The following TAB2 variants were observed in gnomAD, a reference collection of about 807,000 sequenced individuals.
TAB2 encodes the protein TGF-beta activated kinase 1 (MAP3K7) binding protein 2.
Under a neutral mutation model 65.0 loss-of-function variants are expected in TAB2, and 3 were observed. That is an observed-to-expected ratio of 0.05 (90% CI 0.02 to 0.12). The LOEUF (loss-of-function observed/expected upper bound fraction) is 0.12, where lower values mean the gene tolerates loss of function less well. TAB2 is among the 10% of genes least tolerant of loss of function. The pLI, the probability that TAB2 is intolerant of heterozygous loss-of-function variation, is 1.00. For missense variants in TAB2, 623 were observed against 840.3 expected, an observed-to-expected ratio of 0.74 and a Z score of 3.20; for synonymous variants, 298 against 285.1, an observed-to-expected ratio of 1.05 and a Z score of -0.46.
intron 1 of TAB2, among the ~76,000 whole-genome samples, chr6:149,263,812 A>G (rs1778204046): frequency 6.6e-6 from 1 of 152,206 alleles, no homozygotes; most frequent in African/African-American, 2.4e-5. Flanking sequence ...GAGGTCTCCC[A>G]AGCATTCCGT....
At chr6:149,234,881 A>AAAC (rs553505517) in intron 1 of TAB2, among the ~76,000 whole-genome samples, 12 of 147,856 alleles carry the variant, frequency 8.1e-5, no homozygotes, top group African/African-American at 2.3e-4. Flanking sequence ...AAAAAAAAAA[A>AAAC]CACACTCTTT....
rs747821687 is a variant in TAB2, at chr6:149,408,021, G to A, written c.1940-1556G>A. 5.9e-5 allele frequency among the ~76,000 whole-genome samples: 9 copies of A among 152,220 alleles called. No individual in the cohort carries two copies. The South Asian group carries it at 6.2e-4, about 11-fold the overall frequency. ...GAATCAACAAGGTTTTACTAAAAAC[G>A]TGTCAGGTGAAAATGTTTTCTAATG... On this transcript the variant is annotated intron_variant, in intron 6 of 6. Coordinates refer to ENST00000637181, the MANE Select transcript of TAB2 (RefSeq NM_001292034.3).
At chr6:149,265,227 A>G (rs1778237350) in intron 1 of TAB2, among the ~76,000 whole-genome samples, 1 of 150,892 alleles carries the variant, frequency 6.6e-6, no homozygotes, top group African/African-American at 2.4e-5. Flanking sequence ...GCAGTTTCCA[A>G]GGTTTACAAT....
intron 1 of TAB2, chr6:149,255,307 T>A (rs1343400901): frequency 6.6e-6 from 1 of 152,280 alleles, no homozygotes; most frequent in Non-Finnish European, 1.5e-5. Context: ...TGAATCTGCC[T>A]GCATCTTGAT....
At chr6:149,327,597 A>G (rs568732508) in intron 1 of TAB2, among the ~76,000 whole-genome samples, 1 of 152,348 alleles carries the variant, frequency 6.6e-6, no homozygotes, top group East Asian at 1.9e-4. Flanking sequence ...TTGTGAGAAA[A>G]TGTGCTCAAG....
chr6:149,348,799 A>T (rs1780389471), intron 1 of TAB2, among the ~76,000 whole-genome samples: 1 of 152,010 alleles, frequency 6.6e-6, no homozygotes, highest in Non-Finnish European at 1.5e-5. Context: ...CCCCGTCTCT[A>T]CTAAAAATAC....
chr6:149,245,835 C>T (rs1583042627), intron 1 of TAB2, among the ~76,000 whole-genome samples: 1 of 152,212 alleles, frequency 6.6e-6, no homozygotes, highest in Non-Finnish European at 1.5e-5. Flanking sequence ...TTTCCAGATT[C>T]TGCCTCTTCA....
At chr6:149,262,900 T>C (rs7739630) in intron 1 of TAB2, among the ~76,000 whole-genome samples, 41,417 of 151,874 alleles carry the variant, frequency 0.27, 6,226 homozygotes, top group African/African-American at 0.41. Context: ...AACTCCTGGG[T>C]TCAAGCAATC....
Position 149,392,614 on chromosome 6 carries a change from C to T in TAB2, c.1604-4990C>T, listed in dbSNP as rs888372872. Among the ~76,000 whole-genome samples the T allele has an allele frequency of 5.9e-5, 9 of 152,348 alleles. No homozygotes were observed. In the East Asian group the frequency reaches 1.7e-3, roughly 29 times the overall value. Reference sequence around the variant, plus strand: ...TTTTGTCTACAGCACCCTCCTTGTCCATGAGACTTCAGCTTTCTCCACTCC... The same window carrying T: ...TTTTGTCTACAGCACCCTCCTTGTCTATGAGACTTCAGCTTTCTCCACTCC... On this transcript the variant is annotated intron_variant, in intron 3 of 6. Coordinates refer to ENST00000637181, the MANE Select transcript of TAB2 (RefSeq NM_001292034.3).
upstream of TAB2, among the ~76,000 whole-genome samples, chr6:149,316,359 T>C (rs564544554): frequency 2.6e-4 from 40 of 152,342 alleles, 1 homozygote; most frequent in South Asian, 8.1e-3. Context: ...AGAAAGAACT[T>C]TTAACTGTGA....
In TAB2 at chr6:149,293,221, T is replaced by C. The variant is rs80247343; in HGVS notation, c.-121+74445T>C. The stretch of plus-strand genomic sequence containing the variant: ...GTGGGGGGAAGTGTAAATGGAATTA[T>C]TTCATTTAGAAAAAAATCATTGAGT... On this transcript the variant is annotated intron_variant, in intron 1 of 1. Transcript: ENST00000606202. Among the ~76,000 whole-genome samples, 675 of 152,330 alleles carry C rather than the reference T, an allele frequency of 4.4e-3. 9 individuals carry two copies. In the East Asian group the frequency reaches 0.052, roughly 12 times the overall value.
At chr6:149,396,653 A>G (rs778349629) in intron 3 of TAB2, among the ~76,000 whole-genome samples, 3 of 152,248 alleles carry the variant, frequency 2.0e-5, no homozygotes, top group Non-Finnish European at 4.4e-5. Flanking sequence ...TCACAAAAAC[A>G]TATACCAGTA....
At position 149,397,691 on chromosome 6, in the gene TAB2, A is replaced by C; in HGVS notation, c.1691A>C (p.Glu564Ala). ...AAAAAGCTGGATAAATTAAAATCTG[A>C]GGTTAATGAAATGGAAAATAATCTA... ...QKKKLDKLKS[E>A]VNEMENNLTR... The change falls in exon 4 of 7, where the codon GAG (glutamate) becomes GCG (alanine). Residue 564 changes from glutamate (E) to alanine (A), a missense_variant. By Grantham distance (107) the Glu-to-Ala change is moderately radical (BLOSUM62 -1). Around this residue, in one of 3 missense-constraint regions of TAB2, gnomAD observed 550 missense variants for 665.7 expected, o/e 0.83. Coordinates refer to ENST00000637181, the MANE Select transcript of TAB2 (RefSeq NM_001292034.3). 4 of 1,614,104 alleles carry C rather than the reference A, an allele frequency of 2.5e-6. No homozygotes were observed. The highest frequency in any genetic ancestry group is 3.4e-6 in the Non-Finnish European group (4 of 1,179,986).
intron 1 of TAB2, among the ~76,000 whole-genome samples, chr6:149,323,079 A>C (rs538260214): frequency 6.6e-6 from 1 of 152,254 alleles, no homozygotes; most frequent in African/African-American, 2.4e-5. Flanking sequence ...CTGTGTGTTA[A>C]ATGTTGAATA....
chr6:149,378,966 ACTTCCT>A lies in TAB2; in HGVS notation c.1056_1061del (p.Ser353_Ser354del), dbSNP rs1781508000. On this transcript the variant is annotated inframe_deletion, in exon 3 of 7. Coordinates refer to ENST00000637181, the MANE Select transcript of TAB2 (RefSeq NM_001292034.3). The stretch of plus-strand genomic sequence containing the variant: ...TTCTTCTGGACCTCGAACCTCCAGC[ACTTCCT>A]CTTCAGTCAATAGCCAGACCTTAAA... 5 of 1,614,176 alleles carry A rather than the reference ACTTCCT, an allele frequency of 3.1e-6. No individual in the cohort carries two copies. Among genetic ancestry groups the A allele is most frequent in the Non-Finnish European group, 4.2e-6 (5 of 1,180,022 alleles).
At chr6:149,262,493 A>G (rs1778175050) in intron 1 of TAB2, among the ~76,000 whole-genome samples, 1 of 151,986 alleles carries the variant, frequency 6.6e-6, no homozygotes, top group Admixed American at 6.6e-5. Context: ...AGATGGTGCC[A>G]CTGCACTCCA....
At position 149,224,774 on chromosome 6, in the gene TAB2, G is replaced by A. The variant is rs914331266; in HGVS notation, c.-121+5998G>A. 4.6e-5 allele frequency among the ~76,000 whole-genome samples: 7 copies of A among 152,202 alleles called. No homozygotes were observed. In the East Asian group the frequency reaches 1.2e-3, roughly 25 times the overall value. ...CCCTTTTCAACTCGTAGTTTGATAC[G>A]TAGGTTAATGCCATCCTACATACCT... On this transcript the variant is annotated intron_variant, in intron 1 of 1. Transcript: ENST00000606202.
chr6:149,283,107 G>A (rs1481613677), intron 1 of TAB2, among the ~76,000 whole-genome samples: 2 of 152,210 alleles, frequency 1.3e-5, no homozygotes, highest in Admixed American at 1.3e-4. Flanking sequence ...GTACGTTTGA[G>A]GGGTTTAGTG....
intron 1 of TAB2, among the ~76,000 whole-genome samples, chr6:149,277,698 C>T (rs543217304): frequency 6.6e-6 from 1 of 152,136 alleles, no homozygotes; most frequent in African/African-American, 2.4e-5. Context: ...TAAACTCTAC[C>T]TTGTGAGAAG....
Sources: gnomAD v4.1 joint callset for allele counts (sites outside exome capture counted in the v4.1 genomes callset) on GRCh38, gnomAD v4.1.1 for gene constraint, gnomAD v4.1.1 regional missense constraint, MANE v1.5 for transcripts, NCBI Gene and HGNC (gene_info 2026-07-23, HGNC 2026-07-21) for gene names.